The following CLC variants were observed in gnomAD, a reference collection of about 807,000 sequenced individuals.
CLC encodes galectin-10.
A neutral mutation model predicts 13.9 loss-of-function variants in CLC; 15 were observed. The observed-to-expected ratio is 1.08, with a 90% CI of 0.72 to 1.66. CLC has a LOEUF of 1.66. Among genes scored for constraint, CLC ranks in the 40% most tolerant of loss-of-function variants. The pLI is 0.00. For synonymous variants in CLC, 68 were observed against 59.9 expected, an observed-to-expected ratio of 1.14 and a Z score of -0.63; for missense variants, 161 against 169.1, an observed-to-expected ratio of 0.95 and a Z score of 0.27.
chr19:39,734,934 C>A, intron 2 of CLC, 63 bp downstream of exon 2: 1 of 1,252,964 alleles, frequency 8.0e-7, no homozygotes, highest in South Asian at 1.2e-5. Context: ...CACATGAGGT[C>A]ACCCCCTTAG....
chr19:39,731,929 C>A (rs1045691701), intron 3 of CLC, among the ~76,000 whole-genome samples: 1 of 152,126 alleles, frequency 6.6e-6, no homozygotes, highest in African/African-American at 2.4e-5. Flanking sequence ...TGCTGATGAC[C>A]CAGTTTCTCT....
In CLC at chr19:39,734,446, T is replaced by A. The variant is rs774642502; in HGVS notation, c.140A>T (p.Glu47Val). The change falls in exon 3 of 4, where the codon GAA becomes GTA. Residue 47 changes from glutamate to valine, a missense_variant. Glu to Val is a moderately radical substitution (Grantham distance 121). Transcript: ENST00000221804. ...TTGGAAATGGAAGACAATGTCTGATTCCTCCTTCATCTCAGTGTGGAAATC... is the reference window on the plus strand; with the variant it reads ...TTGGAAATGGAAGACAATGTCTGATACCTCCTTCATCTCAGTGTGGAAATC... ...QVDFHTEMKE[E>V]SDIVFHFQVC... 1.9e-6 allele frequency: 3 copies of A among 1,614,146 alleles called. No homozygotes were observed. The South Asian group carries it at 3.3e-5, about 18-fold the overall frequency.
At chr19:39,737,383 C>G (rs1967329216) in intron 1 of CLC, among the ~76,000 whole-genome samples, 1 of 151,904 alleles carries the variant, frequency 6.6e-6, no homozygotes, top group African/African-American at 2.4e-5. Context: ...GGAAGTTAGA[C>G]AGAGTACTGC....
chr19:39,734,172 G>T, intron 3 of CLC, 111 bp downstream of exon 3: 3 of 1,393,440 alleles, frequency 2.2e-6, no homozygotes, highest in Non-Finnish European at 2.9e-6. Context: ...GGAGTTGTGG[G>T]TGATGAAAAG....
rs772981853 is a variant in CLC, at chr19:39,735,031, CA to C, written c.57del (p.Val20Ter). 2.0e-5 allele frequency: 33 copies of C among 1,613,790 alleles called. No individual in the cohort carries two copies. Among genetic ancestry groups the C allele is most frequent in the Non-Finnish European group, 2.6e-5 (31 of 1,179,798 alleles). ...TEAASLSTGS[T>X]VTIKGRPLAC... ...GCAAGTGGTCGCCCTTTGATTGTCA[CA>C]GTAGAACCAGTAGACAAAGAGGCAG... On this transcript the variant is annotated frameshift_variant, in exon 2 of 4. Coordinates refer to ENST00000221804, the MANE Select transcript of CLC (RefSeq NM_001828.6). LOFTEE classifies it high-confidence loss of function.
chr19:39,732,702 G>A (rs1967244187), intron 3 of CLC, among the ~76,000 whole-genome samples: 1 of 148,150 alleles, frequency 6.7e-6, no homozygotes, highest in Non-Finnish European at 1.5e-5. Context: ...CCCACCAACA[G>A]TGTAAAAGTG....
intron 1 of CLC, among the ~76,000 whole-genome samples, chr19:39,735,801 G>A (rs1967300113): frequency 6.6e-6 from 1 of 152,212 alleles, no homozygotes. Context: ...TGAACAAGGA[G>A]GGTCCTTGTG....
rs1033347284 is a variant in CLC, at chr19:39,731,495, T to C, written c.314A>G (p.Asn105Ser). ...GTCAAAGGTGTAAGAGGATTGGCCA[T>C]TGACCATTACCTACAGAAGGAAAAA... ...VLPDKYQVMV[N>S]GQSSYTFDHR... The change falls in exon 4 of 4, where the codon AAT becomes AGT. Residue 105 changes from asparagine to serine, a missense_variant. By Grantham distance (46) the Asn-to-Ser change is conservative. Coordinates refer to ENST00000221804, the MANE Select transcript of CLC (RefSeq NM_001828.6). 22 of 1,608,034 alleles carry C rather than the reference T, an allele frequency of 1.4e-5. No homozygotes were observed. Among genetic ancestry groups the C allele is most frequent in the Non-Finnish European group, 1.7e-5 (20 of 1,175,916 alleles).
Position 39,734,484 on chromosome 19 carries a change from T to A in CLC, c.102A>T (p.Pro34=). Residue 34 remains proline (P), a synonymous_variant, in exon 3 of 4, where the codon CCA becomes CCT. Coordinates refer to ENST00000221804, the MANE Select transcript of CLC (RefSeq NM_001828.6). ...GRPLACFLNE[P]YLQVDFHTEM... is the part of the protein sequence containing the mutation. ...CAGTGTGGAAATCCACCTGCAGATA[T>A]GGTTCATTCCTGAGGGCAGAGCACA... 6.2e-7 allele frequency: 1 copy of A among 1,613,996 alleles called. No homozygotes were observed. Among genetic ancestry groups the A allele is most frequent in the South Asian group, 1.1e-5 (1 of 91,084 alleles).
At chr19:39,737,373 G>A (rs1348524931) in intron 1 of CLC, among the ~76,000 whole-genome samples, 1 of 151,888 alleles carries the variant, frequency 6.6e-6, no homozygotes, top group African/African-American at 2.4e-5. Context: ...GATGCACAAG[G>A]GAAGTTAGAC....
intron 3 of CLC, among the ~76,000 whole-genome samples, chr19:39,733,205 G>A (rs1967252698): frequency 6.6e-6 from 1 of 152,056 alleles, no homozygotes; most frequent in African/African-American, 2.4e-5. Flanking sequence ...TCAGAGAAAT[G>A]CAAATCAAAA....
chr19:39,735,468 T>C (rs1967294020), intron 1 of CLC, among the ~76,000 whole-genome samples: 1 of 152,138 alleles, frequency 6.6e-6, no homozygotes, highest in African/African-American at 2.4e-5. Flanking sequence ...AGACTATTGG[T>C]CCACACCCAG....
intron 3 of CLC, among the ~76,000 whole-genome samples, chr19:39,732,089 T>A (rs1055586989): frequency 2.0e-4 from 29 of 148,082 alleles, no homozygotes; most frequent in African/African-American, 4.1e-4. Flanking sequence ...TTATTTATTT[T>A]TTTTATTATA....
In CLC at chr19:39,736,794, T is replaced by G. The variant is rs62121706; in HGVS notation, c.15+1144A>C. Among the ~76,000 whole-genome samples the G allele has an allele frequency of 1.9e-3, 284 of 149,978 alleles. 1 individual carries two copies. Among genetic ancestry groups the G allele is most frequent in the Non-Finnish European group, 2.1e-3 (141 of 67,520 alleles). On this transcript the variant is annotated intron_variant, in intron 1 of 3. Coordinates refer to ENST00000221804, the MANE Select transcript of CLC (RefSeq NM_001828.6). The stretch of plus-strand genomic sequence containing the variant: ...TGTCTCAAAAAAAAAAAAAAAAAAT[T>G]ACTGCAGGTTTGAAGGCCTGGGCTT...
At chr19:39,734,531 C>T (rs1174513106) in intron 2 of CLC, 38 bp from the exon 3 acceptor site, 1 of 1,548,734 alleles carries the variant, frequency 6.5e-7, no homozygotes, top group Admixed American at 1.7e-5. Flanking sequence ...AGGTCCCTTT[C>T]TTGTGGGGCA....
intron 1 of CLC, among the ~76,000 whole-genome samples, chr19:39,736,549 T>C (rs444963): frequency 0.66 from 100,933 of 151,860 alleles, 34,263 homozygotes; most frequent in African/African-American, 0.75. Flanking sequence ...CCAAGGTGGG[T>C]GCATCACTTG....
Position 39,732,352 on chromosome 19 carries a change from G to A in CLC, c.304-847C>T, listed in dbSNP as rs1239097866. On this transcript the variant is annotated intron_variant, in intron 3 of 3. Coordinates refer to ENST00000221804, the MANE Select transcript of CLC (RefSeq NM_001828.6). ...CGGTGTTTGGTTTTTTTGTTCTTGC[G>A]ATAGTTTACTGAGAATGATGATTTC... Among the ~76,000 whole-genome samples, 10 of 98,970 alleles carry A rather than the reference G, an allele frequency of 1.0e-4. No homozygotes were observed. The East Asian group carries it at 1.1e-3, about 11-fold the overall frequency. The allele number at this position is 98,970 out of a possible 152,430, so 64.9% of individuals were successfully genotyped here. A position where few individuals can be genotyped will look rare whatever the true frequency, so the allele number is the denominator to read the frequency against.
At chr19:39,734,017 C>T in intron 3 of CLC, 8 of 985,286 alleles carry the variant, frequency 8.1e-6, no homozygotes, top group Non-Finnish European at 9.6e-6. Flanking sequence ...CTGAGGATGG[C>T]AGTGCAAGGA....
At chr19:39,733,923 A>G (rs140977574) in intron 3 of CLC, 3 of 984,648 alleles carry the variant, frequency 3.0e-6, no homozygotes, top group East Asian at 1.1e-4. Flanking sequence ...AAATAACATC[A>G]TAAGGGGAAG....
Sources: allele counts gnomAD v4.1 joint callset (sites outside exome capture counted in the v4.1 genomes callset), GRCh38; gene constraint gnomAD v4.1.1; transcripts MANE v1.5; gene names NCBI Gene and HGNC (gene_info 2026-07-23, HGNC 2026-07-21).